Variants in SEC23IP observed in about 807,000 individuals in gnomAD.
SEC23IP encodes the protein SEC23-interacting protein.
SEC23IP carries 70 observed loss-of-function variants against 113.4 expected under a neutral mutation model. The observed-to-expected ratio is 0.62, with a 90% CI of 0.51 to 0.75. SEC23IP has a LOEUF of 0.75. SEC23IP is among the 30% of genes least tolerant of loss of function. The pLI, the probability that SEC23IP is intolerant of heterozygous loss-of-function variation, is 0.00. For synonymous variants in SEC23IP, 398 were observed against 421.0 expected (o/e 0.95, Z 0.67); for missense variants, 1,160 against 1,204.9 (o/e 0.96, Z 0.55).
At position 119,899,081 on chromosome 10, in the gene SEC23IP, G is replaced by T; in HGVS notation, c.696+122G>T. 4.6e-6 allele frequency: 4 copies of T among 863,356 alleles called. No individual in the cohort carries two copies. The South Asian group carries it at 5.4e-5, about 12-fold the overall frequency. 53.5% of individuals were successfully genotyped at this position (863,356 alleles called of 1,614,324 possible). Reference sequence around the variant, plus strand: ...TATGGTGACAAATTAGTTTCAGAGGGTATTCTTTGTAAGCTACATGAAGTA... The same window carrying T: ...TATGGTGACAAATTAGTTTCAGAGGTTATTCTTTGTAAGCTACATGAAGTA... On this transcript the variant is annotated intron_variant, in intron 2 of 18. Coordinates refer to ENST00000369075, the MANE Select transcript of SEC23IP (RefSeq NM_007190.4).
Position 119,898,817 on chromosome 10 carries a change from A to G in SEC23IP, c.554A>G (p.His185Arg), listed in dbSNP as rs765459111. 1.2e-6 allele frequency: 2 copies of G among 1,614,118 alleles called. No individual in the cohort carries two copies. The highest frequency in any genetic ancestry group is 8.5e-7 in the Non-Finnish European group (1 of 1,180,028). ...CAACCAGGATACAATCCATATCGCC[A>G]TACCCCTGGCAGCAGCAGGGCTAAT... Reference protein sequence around the residue: ...IPQPGYNPYRHTPGSSRANPY... With the variant: ...IPQPGYNPYRRTPGSSRANPY... The change falls in exon 2 of 19, where the codon CAT becomes CGT. Residue 185 changes from histidine (H) to arginine (R), a missense_variant. Physicochemically the swap from His to Arg is conservative, Grantham distance 29. Coordinates refer to ENST00000369075, the MANE Select transcript of SEC23IP (RefSeq NM_007190.4).
At position 119,914,105 on chromosome 10, in the gene SEC23IP, A is replaced by G. The variant is rs565058858; in HGVS notation, c.1313-625A>G. ...AACCCGGGAGGCGGAGGTTGCAGTG[A>G]GCCGAGATGGCGCCATTGCACTCTA... On this transcript the variant is annotated intron_variant, in intron 6 of 18. Transcript: ENST00000369075. 6.6e-5 allele frequency among the ~76,000 whole-genome samples: 10 copies of G among 152,346 alleles called. No homozygotes were observed. In the East Asian group the frequency reaches 1.7e-3, roughly 27 times the overall value.
chr10:119,935,596 C>G (rs1190684467), intron 18 of SEC23IP, among the ~76,000 whole-genome samples: 3 of 152,192 alleles, frequency 2.0e-5, no homozygotes, highest in African/African-American at 4.8e-5. Flanking sequence ...CGTCCAGTAT[C>G]TGTTGAGCAC....
chr10:119,900,596 A>G (rs1007022217), intron 2 of SEC23IP, among the ~76,000 whole-genome samples: 1 of 151,972 alleles, frequency 6.6e-6, no homozygotes, highest in African/African-American at 2.4e-5. Flanking sequence ...TATGGGCTAA[A>G]TTATATATTT....
chr10:119,913,767 C>T (rs1854950170), intron 6 of SEC23IP, among the ~76,000 whole-genome samples: 1 of 151,538 alleles, frequency 6.6e-6, no homozygotes, highest in Non-Finnish European at 1.5e-5. Flanking sequence ...TCTGGAATTA[C>T]AGGCGTGAGC....
intron 1 of SEC23IP, among the ~76,000 whole-genome samples, chr10:119,893,626 T>G (rs1041271593): frequency 6.6e-6 from 1 of 151,096 alleles, no homozygotes; most frequent in Non-Finnish European, 1.5e-5. Flanking sequence ...TTCAAGTGAT[T>G]CTCCTGCCTC....
At chr10:119,893,215 A>C (rs1384105012) in intron 1 of SEC23IP, among the ~76,000 whole-genome samples, 1 of 152,170 alleles carries the variant, frequency 6.6e-6, no homozygotes, top group Non-Finnish European at 1.5e-5. Context: ...ATCTTTGCTG[A>C]ATACCCGTTG....
At chr10:119,905,385 G>A (rs1854630635) in intron 4 of SEC23IP, among the ~76,000 whole-genome samples, 1 of 152,122 alleles carries the variant, frequency 6.6e-6, no homozygotes, top group African/African-American at 2.4e-5. Flanking sequence ...GTGTCTGAAA[G>A]TCTACACTTT....
In SEC23IP at chr10:119,943,641, G is replaced by A. The variant is rs953957281; in HGVS notation, c.*3076G>A. On this transcript the variant is annotated 3_prime_UTR_variant, in exon 19 of 19. Coordinates refer to ENST00000369075, the MANE Select transcript of SEC23IP (RefSeq NM_007190.4). ...AAACAGCAACTCTTGCAGATTTCCCGAATGTATTGGTCCCAGAGAACACTG... is the reference window on the plus strand; with the variant it reads ...AAACAGCAACTCTTGCAGATTTCCCAAATGTATTGGTCCCAGAGAACACTG... 2 of 152,150 alleles carry A rather than the reference G, an allele frequency of 1.3e-5. No homozygotes were observed. The highest frequency in any genetic ancestry group is 6.5e-5 in the Admixed American group (1 of 15,272). The allele number at this position is 152,150 out of a possible 1,614,324, so 9.4% of individuals were successfully genotyped here. A position where few individuals can be genotyped will look rare whatever the true frequency, so the allele number is the denominator to read the frequency against.
intron 12 of SEC23IP, among the ~76,000 whole-genome samples, chr10:119,922,602 AGTAATT>A (rs1442051006): frequency 6.6e-6 from 1 of 152,204 alleles, no homozygotes; most frequent in East Asian, 1.9e-4. Context: ...CTTACATAGT[AGTAATT>A]GTAATTGTAC....
At chr10:119,931,662 C>G (rs1320679272) in intron 15 of SEC23IP, among the ~76,000 whole-genome samples, 1 of 151,570 alleles carries the variant, frequency 6.6e-6, no homozygotes, top group African/African-American at 2.4e-5. Flanking sequence ...ATGCCATTCT[C>G]CTGCCTCAGC....
Position 119,903,980 on chromosome 10 carries a change from A to T in SEC23IP, c.908-104A>T. 5.7e-6 allele frequency: 7 copies of T among 1,238,304 alleles called. No individual in the cohort carries two copies. The South Asian group carries it at 8.7e-5, about 15-fold the overall frequency. 76.7% of individuals were successfully genotyped at this position (1,238,304 alleles called of 1,614,324 possible). A position where few individuals can be genotyped will look rare whatever the true frequency, so the allele number is the denominator to read the frequency against. On this transcript the variant is annotated intron_variant, in intron 3 of 18. Transcript: ENST00000369075. ...AGTGATCCACCTCTCTCGGCCTCCC[A>T]GGGTGCTGGGATTACAGGCATGAGC...
At position 119,919,549 on chromosome 10, in the gene SEC23IP, G is replaced by A. The variant is rs1336519203; in HGVS notation, c.1978G>A (p.Glu660Lys). The A allele has an allele frequency of 1.2e-6, 2 of 1,613,504 alleles. No homozygotes were observed. The highest frequency in any genetic ancestry group is 1.7e-6 in the Non-Finnish European group (2 of 1,179,856). ...AACTCTGGAAGCACTTAGCCTCTCT[G>A]AATATTTTAGCACTTTTGAAAAGGA... Reference protein sequence around the residue: ...QETLEALSLSEYFSTFEKEKI... With the variant: ...QETLEALSLSKYFSTFEKEKI... Residue 660 changes from glutamate (E) to lysine (K), a missense_variant, in exon 11 of 19, where the codon GAA (glutamate) becomes AAA (lysine). Coordinates refer to ENST00000369075, the MANE Select transcript of SEC23IP (RefSeq NM_007190.4).
intron 1 of SEC23IP, among the ~76,000 whole-genome samples, chr10:119,893,745 C>G (rs999636756): frequency 3.3e-5 from 5 of 152,040 alleles, no homozygotes; most frequent in Admixed American, 1.3e-4. Context: ...GTCTCAATCT[C>G]CTGACCTCAA....
chr10:119,907,845 G>A (rs1242413540), intron 4 of SEC23IP, among the ~76,000 whole-genome samples: 2 of 151,832 alleles, frequency 1.3e-5, no homozygotes, highest in Admixed American at 6.6e-5. Flanking sequence ...CCAGTTACTC[G>A]GGAGGCTGAG....
At chr10:119,933,285 T>A in intron 17 of SEC23IP, 118 bp downstream of exon 17, 1 of 853,752 alleles carries the variant, frequency 1.2e-6, no homozygotes, top group Non-Finnish European at 1.9e-6. Flanking sequence ...TTCATTTGAA[T>A]TACTATATGT....
intron 18 of SEC23IP, among the ~76,000 whole-genome samples, chr10:119,935,899 T>A (rs1159555067): frequency 4.6e-5 from 7 of 152,186 alleles, no homozygotes; most frequent in Non-Finnish European, 8.8e-5. Flanking sequence ...CCACTTCAGG[T>A]GGAGAGAAGA....
chr10:119,922,071 G>C (rs576363263), intron 12 of SEC23IP, among the ~76,000 whole-genome samples: 1 of 152,266 alleles, frequency 6.6e-6, no homozygotes, highest in South Asian at 2.1e-4. Flanking sequence ...GTGCTGTCTA[G>C]TTGCGGGGAG....
chr10:119,938,943 G>A (rs1014809946), intron 18 of SEC23IP, among the ~76,000 whole-genome samples: 4 of 152,086 alleles, frequency 2.6e-5, no homozygotes, highest in African/African-American at 9.7e-5. Flanking sequence ...GTTCATTCAA[G>A]CTTAGATCAG....
Sources: allele counts gnomAD v4.1 joint callset (sites outside exome capture counted in the v4.1 genomes callset), GRCh38; gene constraint gnomAD v4.1.1; transcripts MANE v1.5; gene names NCBI Gene and HGNC (gene_info 2026-07-23, HGNC 2026-07-21).